RGS22: variants seen among roughly 807,000 people sequenced by gnomAD.
The protein encoded by RGS22 is regulator of G-protein signaling 22.
RGS22 carries 148 observed loss-of-function variants against 172.9 expected under a neutral mutation model. The ratio of observed to expected loss-of-function variants is 0.86; its 90% CI spans 0.75 to 0.98. The LOEUF is 0.98. Among genes scored for constraint, RGS22 ranks in the 50% least tolerant of loss-of-function variants. The probability of loss-of-function intolerance (pLI) is 0.00; values close to 1 mark genes in which losing one functional copy is unlikely to be tolerated. For synonymous variants in RGS22, 458 were observed against 480.2 expected (o/e 0.95, Z 0.60); for missense variants, 1,347 against 1,440.8 (o/e 0.93, Z 1.05).
chr8:100,001,219 T>TATATATATATATATATACATAC (rs1402594104), intron 18 of RGS22, among the ~76,000 whole-genome samples: 13 of 132,962 alleles, frequency 9.8e-5, no homozygotes, highest in African/African-American at 2.5e-4. Context: ...TATATATATA[T>TATATATATATATATATACATAC]ACATATATAT....
chr8:100,053,152 T>A (rs144093555), intron 9 of RGS22, among the ~76,000 whole-genome samples, 176 bp from the exon 10 acceptor site: 1 of 152,190 alleles, frequency 6.6e-6, no homozygotes, highest in South Asian at 2.1e-4. Flanking sequence ...TTCTGTGATA[T>A]GTCAGCTGCC....
intron 22 of RGS22, among the ~76,000 whole-genome samples, chr8:99,980,984 T>G (rs952884131): frequency 2.1e-4 from 32 of 152,224 alleles, no homozygotes; most frequent in Non-Finnish European, 1.0e-4. Context: ...GAGTCCACTT[T>G]TAGTTCCTTA....
intron 19 of RGS22, 74 bp from the exon 20 acceptor site, chr8:99,996,604 T>A: frequency 1.7e-6 from 2 of 1,203,704 alleles, no homozygotes; most frequent in Admixed American, 2.0e-5. Context: ...ATTAAGTAGC[T>A]AAAAAAATGA....
intron 11 of RGS22, among the ~76,000 whole-genome samples, chr8:100,042,278 T>TA (rs201210882): frequency 2.6e-5 from 4 of 152,120 alleles, no homozygotes; most frequent in African/African-American, 7.2e-5. Context: ...TTAATAAAAT[T>TA]AAAAAAATTT....
intron 4 of RGS22, among the ~76,000 whole-genome samples, chr8:100,075,006 A>G (rs1811246454): frequency 6.6e-6 from 1 of 152,052 alleles, no homozygotes; most frequent in South Asian, 2.1e-4. Flanking sequence ...TCCTGACCTC[A>G]TGATCCAGCC....
intron 23 of RGS22, among the ~76,000 whole-genome samples, chr8:99,970,566 A>G (rs1811228650): frequency 1.3e-5 from 2 of 152,242 alleles, no homozygotes; most frequent in African/African-American, 4.8e-5. Flanking sequence ...AATCCCACAG[A>G]AATACAAACT....
chr8:100,057,481 G>A (rs1809733716), intron 9 of RGS22, among the ~76,000 whole-genome samples: 1 of 152,148 alleles, frequency 6.6e-6, no homozygotes, highest in South Asian at 2.1e-4. Context: ...ACCTTGAATT[G>A]TAATAATTCC....
chr8:100,069,213 G>A (rs1013597352), intron 6 of RGS22, among the ~76,000 whole-genome samples: 3 of 152,156 alleles, frequency 2.0e-5, no homozygotes, highest in African/African-American at 7.2e-5. Flanking sequence ...AACTGAAAGT[G>A]CCTTATTTGC....
chr8:99,961,256 T>A, intron 27 of RGS22, 60 bp from the exon 28 acceptor site: 1 of 433,506 alleles, frequency 2.3e-6, no homozygotes. Flanking sequence ...TAAATACAAA[T>A]ATAAATGCAA....
chr8:100,098,823 C>A (rs1026765116), intron 2 of RGS22, among the ~76,000 whole-genome samples: 2 of 145,140 alleles, frequency 1.4e-5, no homozygotes, highest in African/African-American at 5.2e-5. Context: ...CTCCCCTGCC[C>A]CTGACCCCCT....
At chr8:100,055,343 C>T (rs1822133049) in intron 9 of RGS22, among the ~76,000 whole-genome samples, 1 of 152,192 alleles carries the variant, frequency 6.6e-6, no homozygotes, top group Non-Finnish European at 1.5e-5. Context: ...AAAGTCTCCA[C>T]TTGGGGTCCA....
intron 6 of RGS22, 132 bp from the exon 7 acceptor site, chr8:100,066,428 G>T: frequency 1.5e-6 from 1 of 676,624 alleles, no homozygotes; most frequent in Non-Finnish European, 2.3e-6. Context: ...TCTCATGAAG[G>T]AAAATAAAAT....
chr8:99,988,757 C>T (rs554250481), intron 20 of RGS22, among the ~76,000 whole-genome samples: 39 of 152,250 alleles, frequency 2.6e-4, no homozygotes, highest in African/African-American at 9.1e-4. Context: ...GAAGGCAACT[C>T]CAGGCAGTCT....
At chr8:100,039,886 G>T in intron 13 of RGS22, 76 bp downstream of exon 13, 2 of 803,402 alleles carry the variant, frequency 2.5e-6, no homozygotes, top group Non-Finnish European at 3.6e-6. Flanking sequence ...AATTATGTGA[G>T]CACTTAATTA....
intron 2 of RGS22, among the ~76,000 whole-genome samples, chr8:100,101,982 G>A (rs1419677465): frequency 6.6e-6 from 1 of 151,964 alleles, no homozygotes; most frequent in Non-Finnish European, 1.5e-5. Context: ...CAAATATCAG[G>A]GACCCAGGCC....
At chr8:100,055,721 C>T (rs975497642) in intron 9 of RGS22, among the ~76,000 whole-genome samples, 1 of 152,176 alleles carries the variant, frequency 6.6e-6, no homozygotes, top group Non-Finnish European at 1.5e-5. Context: ...TGCACAAGTT[C>T]TTTTGCCTGC....
At chr8:100,055,030 C>T (rs774660768) in intron 9 of RGS22, among the ~76,000 whole-genome samples, 6 of 152,168 alleles carry the variant, frequency 3.9e-5, no homozygotes, top group South Asian at 2.1e-4. Flanking sequence ...TGACTCCAGT[C>T]CCTGACTCCT....
At chr8:100,095,809 T>C (rs772987063) in intron 2 of RGS22, among the ~76,000 whole-genome samples, 1 of 152,216 alleles carries the variant, frequency 6.6e-6, no homozygotes, top group Non-Finnish European at 1.5e-5. Flanking sequence ...ACCTCAGGTA[T>C]TATCAAATAC....
intron 14 of RGS22, among the ~76,000 whole-genome samples, chr8:100,026,855 C>T (rs1818234069): frequency 6.6e-6 from 1 of 151,844 alleles, no homozygotes; most frequent in South Asian, 2.1e-4. Flanking sequence ...TGAAAAGAAG[C>T]CGATGACTTA....
Sources: allele counts gnomAD v4.1 joint callset (sites outside exome capture counted in the v4.1 genomes callset), GRCh38; gene constraint gnomAD v4.1.1; transcripts MANE v1.5; gene names NCBI Gene and HGNC (gene_info 2026-07-23, HGNC 2026-07-21).